The following MAML3 variants were observed in gnomAD, a reference collection of about 807,000 sequenced individuals.
The protein encoded by MAML3 is mastermind-like protein 3.
MAML3 carries 27 observed loss-of-function variants against 101.9 expected under a neutral mutation model. That is an observed-to-expected ratio of 0.27 (90% confidence interval 0.20 to 0.37). The LOEUF is 0.37. MAML3 is among the 10% of genes least tolerant of loss of function. The probability of loss-of-function intolerance (pLI) is 1.00; values close to 1 mark genes in which losing one functional copy is unlikely to be tolerated. For missense variants in MAML3, 1,316 were observed against 1,444.9 expected, an observed-to-expected ratio of 0.91 and a Z score of 1.45; for synonymous variants, 501 against 555.9, an observed-to-expected ratio of 0.90 and a Z score of 1.39.
intron 2 of MAML3, among the ~76,000 whole-genome samples, chr4:139,754,950 C>T (rs539235405): frequency 4.9e-4 from 74 of 152,330 alleles, no homozygotes; most frequent in African/African-American, 1.7e-3. Context: ...CTCTGTTCTC[C>T]TTAATCAGCA....
chr4:139,774,124 G>A (rs892944061), intron 2 of MAML3, among the ~76,000 whole-genome samples: 10 of 152,152 alleles, frequency 6.6e-5, no homozygotes, highest in African/African-American at 2.4e-4. Flanking sequence ...CCAGGACTTG[G>A]CTCAGCTCCA....
intron 1 of MAML3, among the ~76,000 whole-genome samples, chr4:139,910,894 A>G (rs1560833384): frequency 6.6e-6 from 1 of 152,238 alleles, no homozygotes; most frequent in Non-Finnish European, 1.5e-5. Flanking sequence ...AAATATTAGT[A>G]AAAGAAAATT....
intron 1 of MAML3, among the ~76,000 whole-genome samples, chr4:140,062,490 A>C (rs1163881126): frequency 6.6e-6 from 1 of 152,210 alleles, no homozygotes; most frequent in East Asian, 1.9e-4. Context: ...CTAAGGTTTA[A>C]CGACCAGTGT....
intron 1 of MAML3, among the ~76,000 whole-genome samples, chr4:139,954,651 G>A (rs183851409): frequency 2.0e-5 from 3 of 152,182 alleles, no homozygotes; most frequent in Admixed American, 6.5e-5. Flanking sequence ...TGGAACGGGG[G>A]TGGATGCAAG....
intron 2 of MAML3, among the ~76,000 whole-genome samples, chr4:139,882,614 C>G (rs373127050): frequency 2.0e-5 from 3 of 152,034 alleles, no homozygotes; most frequent in East Asian, 1.9e-4. Context: ...TTTGGGAGGC[C>G]GAGGCAGGTG....
chr4:139,988,852 G>A (rs965360088), intron 1 of MAML3, among the ~76,000 whole-genome samples: 7 of 152,192 alleles, frequency 4.6e-5, no homozygotes, highest in African/African-American at 1.7e-4. Flanking sequence ...ACTGGCTGAG[G>A]AAGTGAGAAG....
intron 2 of MAML3, among the ~76,000 whole-genome samples, chr4:139,732,482 A>ATCCC (rs1317176522): frequency 6.6e-6 from 1 of 152,208 alleles, no homozygotes; most frequent in Non-Finnish European, 1.5e-5. Flanking sequence ...TTACCCTAGA[A>ATCCC]ACAATCACCC....
intron 1 of MAML3, among the ~76,000 whole-genome samples, chr4:140,114,010 G>A (rs968630171): frequency 2.0e-4 from 30 of 152,004 alleles, no homozygotes; most frequent in African/African-American, 4.6e-4. Flanking sequence ...TCCCACCTTC[G>A]TGCTACTGAT....
chr4:139,842,817 T>A (rs1221824042), intron 2 of MAML3, among the ~76,000 whole-genome samples: 18 of 107,192 alleles, frequency 1.7e-4, no homozygotes. Flanking sequence ...CTCACTCTGT[T>A]GCCCAGGCTG....
At chr4:140,049,249 G>C (rs1322676196) in intron 1 of MAML3, among the ~76,000 whole-genome samples, 1 of 152,074 alleles carries the variant, frequency 6.6e-6, no homozygotes, top group Non-Finnish European at 1.5e-5. Flanking sequence ...CATCTCCCTC[G>C]CCGCCTCCCT....
At chr4:140,104,161 G>A (rs1284988498) in intron 1 of MAML3, among the ~76,000 whole-genome samples, 1 of 150,196 alleles carries the variant, frequency 6.7e-6, no homozygotes, top group African/African-American at 2.5e-5. Context: ...AAGGTGGGAG[G>A]ATCACTTGAG....
intron 1 of MAML3, among the ~76,000 whole-genome samples, chr4:140,053,599 C>T (rs1403720216): frequency 6.6e-6 from 1 of 152,124 alleles, no homozygotes; most frequent in Non-Finnish European, 1.5e-5. Context: ...TACATGCATG[C>T]ACATATTTAT....
intron 2 of MAML3, among the ~76,000 whole-genome samples, chr4:139,826,815 C>T (rs1017791944): frequency 6.6e-6 from 1 of 152,098 alleles, no homozygotes; most frequent in Non-Finnish European, 1.5e-5. Context: ...CCCTTGCAGA[C>T]ACATACGGCA....
At chr4:139,832,730 G>T (rs1005854579) in intron 2 of MAML3, among the ~76,000 whole-genome samples, 1 of 152,156 alleles carries the variant, frequency 6.6e-6, no homozygotes, top group African/African-American at 2.4e-5. Flanking sequence ...TTTAAGGTAT[G>T]ACCTTCATAT....
chr4:139,791,010 G>T (rs1730399116), intron 2 of MAML3, among the ~76,000 whole-genome samples: 1 of 152,100 alleles, frequency 6.6e-6, no homozygotes, highest in Admixed American at 6.6e-5. Context: ...GCAACAAACA[G>T]AATTTTTGAA....
chr4:139,931,737 C>T (rs560349350), intron 1 of MAML3, among the ~76,000 whole-genome samples: 29 of 151,994 alleles, frequency 1.9e-4, no homozygotes, highest in Non-Finnish European at 4.1e-4. Flanking sequence ...AAGCCTGGCT[C>T]GGTGGCTCAC....
intron 2 of MAML3, among the ~76,000 whole-genome samples, chr4:139,797,353 A>G (rs527501130): frequency 7.9e-5 from 12 of 152,340 alleles, no homozygotes; most frequent in Non-Finnish European, 1.6e-4. Context: ...GAGAGGCCAC[A>G]GTTAGGATCA....
chr4:139,821,942 G>C (rs534656092), intron 2 of MAML3, among the ~76,000 whole-genome samples: 1 of 152,230 alleles, frequency 6.6e-6, no homozygotes, highest in South Asian at 2.1e-4. Flanking sequence ...ACTGCCTATG[G>C]AGTTCAGTAT....
At chr4:140,028,462 C>T (rs954802102) in intron 1 of MAML3, among the ~76,000 whole-genome samples, 9 of 152,208 alleles carry the variant, frequency 5.9e-5, no homozygotes, top group African/African-American at 1.7e-4. Flanking sequence ...CTCCTTCTCT[C>T]TCTCTCTTTC....
Sources: gnomAD v4.1 joint callset for allele counts (sites outside exome capture counted in the v4.1 genomes callset) on GRCh38, gnomAD v4.1.1 for gene constraint, MANE v1.5 for transcripts, NCBI Gene and HGNC (gene_info 2026-07-23, HGNC 2026-07-21) for gene names.